The following NYAP2 variants were observed in gnomAD, a reference collection of about 807,000 sequenced individuals.
The protein encoded by NYAP2 is neuronal tyrosine-phosphorylated phosphoinositide-3-kinase adapter 2.
A neutral mutation model predicts 50.4 loss-of-function variants in NYAP2; 23 were observed. The observed-to-expected ratio is 0.46, with a 90% CI of 0.33 to 0.65. The LOEUF is 0.65. Among genes scored for constraint, NYAP2 ranks in the 30% least tolerant of loss-of-function variants. NYAP2 has a pLI of 0.02. For synonymous variants in NYAP2, 394 were observed against 365.2 expected, an observed-to-expected ratio of 1.08 and a Z score of -0.90; for missense variants, 885 against 861.0, an observed-to-expected ratio of 1.03 and a Z score of -0.35.
the NYAP2 span, among the ~76,000 whole-genome samples, chr2:225,692,917 GTA>G: frequency 6.6e-6 from 1 of 151,722 alleles, no homozygotes; most frequent in Non-Finnish European, 1.5e-5. Flanking sequence ...ATATGTGTGT[GTA>G]CATATATATT....
At chr2:225,542,924 T>C (rs2106204947) in intron 4 of NYAP2, among the ~76,000 whole-genome samples, 1 of 152,242 alleles carries the variant, frequency 6.6e-6, no homozygotes, top group African/African-American at 2.4e-5. Context: ...AAAATTTGTG[T>C]TATGGCTTTG....
chr2:225,452,175 C>T (rs574155081), intron 3 of NYAP2, among the ~76,000 whole-genome samples: 1 of 152,170 alleles, frequency 6.6e-6, no homozygotes, highest in Non-Finnish European at 1.5e-5. Context: ...GATTCAAATG[C>T]TATTTCTGCC....
intron 4 of NYAP2, among the ~76,000 whole-genome samples, chr2:225,556,232 C>T (rs1323311689): frequency 6.6e-6 from 1 of 152,110 alleles, no homozygotes; most frequent in Non-Finnish European, 1.5e-5. Flanking sequence ...TGGACATAAA[C>T]ATTTTCTGAT....
intron 2 of NYAP2, among the ~76,000 whole-genome samples, chr2:225,402,596 C>T (rs1694880763): frequency 6.6e-6 from 1 of 151,976 alleles, no homozygotes; most frequent in African/African-American, 2.4e-5. Flanking sequence ...ACGATTTATG[C>T]CTATCTTACT....
downstream of NYAP2, among the ~76,000 whole-genome samples, chr2:225,656,076 CTTGT>C (rs1438819619): frequency 2.0e-5 from 3 of 152,110 alleles, no homozygotes; most frequent in African/African-American, 4.8e-5. Flanking sequence ...TCTTCGGAGG[CTTGT>C]TTATCACACT....
intron 5 of NYAP2, among the ~76,000 whole-genome samples, chr2:225,609,674 C>G (rs181891379): frequency 3.3e-5 from 5 of 152,084 alleles, no homozygotes; most frequent in African/African-American, 1.2e-4. Context: ...CTCCAAAGTG[C>G]GGTGCTCAGG....
At chr2:225,624,343 A>C (rs1693172316) in intron 5 of NYAP2, among the ~76,000 whole-genome samples, 1 of 152,214 alleles carries the variant, frequency 6.6e-6, no homozygotes, top group South Asian at 2.1e-4. Context: ...GCAGGTAAGC[A>C]CACTAGAAAC....
rs1692814965 is a variant in NYAP2 at position 225,607,843 on chromosome 2, T to C, written c.1619-19074T>C. On this transcript the variant is annotated intron_variant, in intron 5 of 6. Coordinates refer to ENST00000636099, the Ensembl canonical transcript of NYAP2. ...CTGTGGGCATACATATTTAATGCGG[T>C]AAATTATAGGGAGACATTTGCATGT... Among the ~76,000 whole-genome samples, 4 of 152,138 alleles carry C rather than the reference T, an allele frequency of 2.6e-5. No individual in the cohort carries two copies. The South Asian group carries it at 8.3e-4, about 31-fold the overall frequency.
rs1694831001 is a variant in NYAP2, at chr2:225,399,945, T to C, written c.-811T>C. 4.6e-5 allele frequency: 7 copies of C among 152,088 alleles called. No individual in the cohort carries two copies. The highest frequency in any genetic ancestry group is 4.6e-4 in the Admixed American group (7 of 15,264). 9.4% of individuals were successfully genotyped at this position (152,088 alleles called of 1,614,324 possible). On this transcript the variant is annotated 5_prime_UTR_variant, in exon 1 of 7. It removes an upstream start codon present in the reference 5' UTR. Transcript: ENST00000636099. ...GAATTAGTGCTATAGTGAATATAAATGAAGGGTGTTTCTTTACCCTCTTTT... is the reference window on the plus strand; with the variant it reads ...GAATTAGTGCTATAGTGAATATAAACGAAGGGTGTTTCTTTACCCTCTTTT...
chr2:225,691,307 A>G, the NYAP2 span, among the ~76,000 whole-genome samples: 1 of 152,122 alleles, frequency 6.6e-6, no homozygotes, highest in Non-Finnish European at 1.5e-5. Flanking sequence ...GTCAACAAAT[A>G]GGTACATCTG....
At chr2:225,475,538 G>C (rs569974150) in intron 3 of NYAP2, among the ~76,000 whole-genome samples, 2 of 152,182 alleles carry the variant, frequency 1.3e-5, no homozygotes, top group South Asian at 2.1e-4. Flanking sequence ...AGGCAAGAAT[G>C]GTATTTTGAC....
At chr2:225,619,810 C>T (rs1268540611) in intron 5 of NYAP2, among the ~76,000 whole-genome samples, 2 of 152,142 alleles carry the variant, frequency 1.3e-5, no homozygotes, top group Non-Finnish European at 2.9e-5. Flanking sequence ...CTGCTTCAGC[C>T]TAAACACTGT....
At chr2:225,413,682 C>T (rs4402752) in intron 3 of NYAP2, among the ~76,000 whole-genome samples, 90,264 of 151,762 alleles carry the variant, frequency 0.59, 30,079 homozygotes, top group Non-Finnish European at 0.75. Flanking sequence ...ATACAGAGGA[C>T]CAACATCTAA....
At chr2:225,606,654 T>G (rs751702033) in intron 5 of NYAP2, among the ~76,000 whole-genome samples, 14 of 152,204 alleles carry the variant, frequency 9.2e-5, no homozygotes, top group Non-Finnish European at 1.3e-4. Flanking sequence ...ATTGATAGAG[T>G]TTCACATTTT....
intron 3 of NYAP2, among the ~76,000 whole-genome samples, chr2:225,428,762 C>T (rs969745356): frequency 5.3e-5 from 8 of 152,168 alleles, no homozygotes; most frequent in African/African-American, 1.9e-4. Context: ...AGAATTGAAT[C>T]TGTGGTTGAG....
chr2:225,675,262 A>G, the NYAP2 span, among the ~76,000 whole-genome samples: 6 of 152,048 alleles, frequency 3.9e-5, no homozygotes, highest in African/African-American at 1.4e-4. Flanking sequence ...CATAGTACCC[A>G]ATGGGCATTT....
At chr2:225,597,868 T>TA (rs902728696) in intron 5 of NYAP2, among the ~76,000 whole-genome samples, 3 of 152,048 alleles carry the variant, frequency 2.0e-5, no homozygotes, top group Non-Finnish European at 4.4e-5. Flanking sequence ...TAGATACATG[T>TA]AAAAAAATAA....
intron 4 of NYAP2, among the ~76,000 whole-genome samples, chr2:225,537,003 C>T (rs1282331171): frequency 2.0e-5 from 3 of 152,206 alleles, no homozygotes; most frequent in East Asian, 3.9e-4. Flanking sequence ...TGGTCTCAAT[C>T]TCCTTACCTT....
chr2:225,544,249 CTG>C (rs1481713576), intron 4 of NYAP2, among the ~76,000 whole-genome samples: 5 of 150,798 alleles, frequency 3.3e-5, no homozygotes, highest in Admixed American at 2.0e-4. Context: ...TTGAGCCACT[CTG>C]TGTTTTGATT....
Sources: gnomAD v4.1 joint callset for allele counts (sites outside exome capture counted in the v4.1 genomes callset) on GRCh38, gnomAD v4.1.1 for gene constraint, MANE v1.5 for transcripts, NCBI Gene and HGNC (gene_info 2026-07-23, HGNC 2026-07-21) for gene names.